The following SYN3 variants were observed in gnomAD, a reference collection of about 807,000 sequenced individuals.
The protein encoded by SYN3 is synapsin-3.
In SYN3, 35 loss-of-function variants were observed where a neutral mutation model predicts 65.8. That is an observed-to-expected ratio of 0.53 (90% CI 0.41 to 0.70). SYN3 has a LOEUF of 0.70. SYN3 is among the 30% of genes least tolerant of loss of function. The probability of loss-of-function intolerance (pLI) is 0.00; values close to 1 mark genes in which losing one functional copy is unlikely to be tolerated. For synonymous variants in SYN3, 270 were observed against 292.9 expected (o/e 0.92, Z 0.80); for missense variants, 680 against 749.0 (o/e 0.91, Z 1.08).
At chr22:32,642,290 A>G in intron 6 of SYN3, among the ~76,000 whole-genome samples, 1 of 151,612 alleles carries the variant, frequency 6.6e-6, no homozygotes, top group East Asian at 1.9e-4. Context: ...ACTCCATTTA[A>G]AAAAAATAAT....
At chr22:32,742,147 G>A (rs2044791789) in intron 6 of SYN3, among the ~76,000 whole-genome samples, 1 of 152,052 alleles carries the variant, frequency 6.6e-6, no homozygotes, top group African/African-American at 2.4e-5. Flanking sequence ...ATGGTGGCGG[G>A]CGCCTGTAGT....
chr22:32,848,212 C>G (rs1361495902), intron 6 of SYN3, among the ~76,000 whole-genome samples: 3 of 152,240 alleles, frequency 2.0e-5, no homozygotes, highest in Non-Finnish European at 4.4e-5. Flanking sequence ...GTAAATGCCT[C>G]TCTTTCAGCC....
chr22:32,574,478 CTT>C (rs2058824585), intron 7 of SYN3, among the ~76,000 whole-genome samples: 1 of 152,100 alleles, frequency 6.6e-6, no homozygotes, highest in South Asian at 2.1e-4. Context: ...GACTCCATCT[CTT>C]TAAAAAAAAT....
In SYN3 at chr22:32,838,812, C is replaced by A. The variant is rs559902259; in HGVS notation, c.711+26103G>T. Among the ~76,000 whole-genome samples the A allele has an allele frequency of 2.0e-5, 3 of 152,070 alleles. No homozygotes were observed. In the East Asian group the frequency reaches 5.8e-4, roughly 30 times the overall value. On this transcript the variant is annotated intron_variant, in intron 6 of 13. Transcript: ENST00000358763. ...CCTCCCACAGCCTCATTCATTCATT[C>A]ATTCAACATTTTTGGGAACCCTGGC...
At chr22:32,799,146 C>T (rs770999257) in intron 6 of SYN3, among the ~76,000 whole-genome samples, 2 of 152,194 alleles carry the variant, frequency 1.3e-5, no homozygotes, top group Non-Finnish European at 2.9e-5. Context: ...CAGGAGGACT[C>T]CCCTACGCAA....
intron 6 of SYN3, among the ~76,000 whole-genome samples, chr22:32,750,522 T>C (rs2045084704): frequency 6.9e-6 from 1 of 144,088 alleles, no homozygotes; most frequent in Non-Finnish European, 1.6e-5. Context: ...GTAGATCATG[T>C]AGCACCTTGT....
At chr22:32,950,423 T>A (rs1312809190) in intron 3 of SYN3, among the ~76,000 whole-genome samples, 3 of 152,206 alleles carry the variant, frequency 2.0e-5, no homozygotes, top group Non-Finnish European at 4.4e-5. Flanking sequence ...TACGTGTCTG[T>A]TGATCTGGGT....
In SYN3 at chr22:32,756,858, T is replaced by C. The variant is rs535069104; in HGVS notation, c.711+108057A>G. On this transcript the variant is annotated intron_variant, in intron 6 of 13. Transcript: ENST00000358763. ...TCTTTTCTTGGTAAATTATCCAGTT[T>C]TGGGTATTTCTTTATAGCAATGAAA... Among the ~76,000 whole-genome samples the C allele has an allele frequency of 2.0e-5, 3 of 152,316 alleles. No homozygotes were observed. In the South Asian group the frequency reaches 6.2e-4, roughly 32 times the overall value.
chr22:33,015,461 G>A (rs470008), intron 1 of SYN3: 167,955 of 242,322 alleles, frequency 0.69, 59,329 homozygotes, highest in African/African-American at 0.79. Flanking sequence ...ACAAAAACTA[G>A]TTGATCCTTA....
chr22:32,937,587 TA>T (rs2050808085), intron 3 of SYN3, among the ~76,000 whole-genome samples: 1 of 152,150 alleles, frequency 6.6e-6, no homozygotes. Context: ...TACACACTTT[TA>T]ATCAACCAGA....
At chr22:32,532,955 T>G in intron 10 of SYN3, among the ~76,000 whole-genome samples, 1 of 136,360 alleles carries the variant, frequency 7.3e-6, no homozygotes, top group African/African-American at 2.8e-5. Flanking sequence ...GGGAAAGCAG[T>G]GGAGAGCCAT....
rs1377359441 is a variant in SYN3 at position 32,960,946 on chromosome 22, G to A, written c.369+19699C>T. Among the ~76,000 whole-genome samples, 3 of 152,202 alleles carry A rather than the reference G, an allele frequency of 2.0e-5. No homozygotes were observed. The East Asian group carries it at 5.8e-4, about 29-fold the overall frequency. Reference sequence around the variant, plus strand: ...AGGAACTGCAGGAGAGAGTGAAGGTGAAGTTTCTCCAGAGTGAAGCCCACA... The same window carrying A: ...AGGAACTGCAGGAGAGAGTGAAGGTAAAGTTTCTCCAGAGTGAAGCCCACA... On this transcript the variant is annotated intron_variant, in intron 3 of 13. Coordinates refer to ENST00000358763, the MANE Select transcript of SYN3 (RefSeq NM_003490.4).
chr22:32,765,420 C>G (rs140441681), intron 6 of SYN3, among the ~76,000 whole-genome samples: 5 of 152,264 alleles, frequency 3.3e-5, no homozygotes, highest in Non-Finnish European at 5.9e-5. Flanking sequence ...GAATTTCCCC[C>G]TGTATGCTGT....
rs113910538 is a variant in SYN3, at chr22:32,640,723, C to T, written c.712-43987G>A. Among the ~76,000 whole-genome samples, 9 of 152,142 alleles carry T rather than the reference C, an allele frequency of 5.9e-5. No individual in the cohort carries two copies. The East Asian group carries it at 1.2e-3, about 20-fold the overall frequency. On this transcript the variant is annotated intron_variant, in intron 6 of 13. Transcript: ENST00000358763. ...CTACTAAAAATACAAAAAAATTAGC[C>T]GGGCGTGGTGGCGGGCGCCTGTAGT... is the stretch of plus-strand genomic sequence containing the variant.
At chr22:32,614,212 A>G (rs1196758238) in intron 6 of SYN3, among the ~76,000 whole-genome samples, 11 of 152,198 alleles carry the variant, frequency 7.2e-5, no homozygotes. Flanking sequence ...TCAGCTTTCC[A>G]AAGTGACATC....
chr22:32,948,740 A>AAATAAAT lies in SYN3; in HGVS notation c.370-17266_370-17260dup, dbSNP rs1375312171. Reference sequence around the variant, plus strand: ...TGACAGAGTGAGACTCCGTCTCAATAAATAAATAAATAAATAAGTTCCTCG... The same window carrying AAATAAAT: ...TGACAGAGTGAGACTCCGTCTCAATAAATAAATAATAAATAAATAAATAAGTTCCTCG... On this transcript the variant is annotated intron_variant, in intron 3 of 13. Transcript: ENST00000358763. Among the ~76,000 whole-genome samples the AAATAAAT allele has an allele frequency of 5.9e-4, 89 of 151,746 alleles. 1 individual carries two copies. The highest frequency in any genetic ancestry group is 1.9e-3 in the African/African-American group (79 of 41,382).
chr22:32,575,491 T>A (rs2058838230), intron 7 of SYN3, among the ~76,000 whole-genome samples: 1 of 152,188 alleles, frequency 6.6e-6, no homozygotes, highest in Admixed American at 6.5e-5. Flanking sequence ...TGCAGCTGCC[T>A]CAGCTACCTG....
intron 4 of SYN3, among the ~76,000 whole-genome samples, chr22:32,885,665 A>T (rs528643209): frequency 1.3e-5 from 2 of 151,736 alleles, no homozygotes; most frequent in South Asian, 4.2e-4. Flanking sequence ...GGTTCAATCG[A>T]TTCTCCTGCC....
intron 6 of SYN3, among the ~76,000 whole-genome samples, chr22:32,625,995 G>A (rs2059660789): frequency 6.6e-6 from 1 of 152,092 alleles, no homozygotes; most frequent in Non-Finnish European, 1.5e-5. Flanking sequence ...TGGGGAAGGA[G>A]GAATCAGGAA....
Sources: gnomAD v4.1 joint callset for allele counts (sites outside exome capture counted in the v4.1 genomes callset) on GRCh38, gnomAD v4.1.1 for gene constraint, MANE v1.5 for transcripts, NCBI Gene and HGNC (gene_info 2026-07-23, HGNC 2026-07-21) for gene names.